The following GLS2 variants were observed in gnomAD, a reference collection of about 807,000 sequenced individuals.
GLS2 encodes the protein glutaminase 2, also known as glutaminase liver isoform, mitochondrial.
In GLS2, 52 loss-of-function variants were observed where a neutral mutation model predicts 79.0. The observed-to-expected ratio is 0.66, with a 90% CI of 0.53 to 0.83. GLS2 has a LOEUF of 0.83. Among genes scored for constraint, GLS2 ranks in the 40% least tolerant of loss-of-function variants. The probability of loss-of-function intolerance (pLI) is 0.00; values close to 1 mark genes in which losing one functional copy is unlikely to be tolerated. For synonymous variants in GLS2, 238 were observed against 280.8 expected (o/e 0.85, Z 1.52); for missense variants, 561 against 764.8 (o/e 0.73, Z 3.14).
chr12:56,474,371 G>A (rs1389772211), intron 12 of GLS2, 173 bp downstream of exon 12: 15 of 745,808 alleles, frequency 2.0e-5, no homozygotes, highest in Non-Finnish European at 3.0e-5. Flanking sequence ...TTATATATTC[G>A]AGGAACTTGG....
chr12:56,487,622 G>C, intron 1 of GLS2: 1 of 434,862 alleles, frequency 2.3e-6, no homozygotes. Flanking sequence ...GACTGGCGGC[G>C]TGAGCCCGGC....
chr12:56,485,230 T>C (rs1192595104), intron 1 of GLS2, among the ~76,000 whole-genome samples: 2 of 152,128 alleles, frequency 1.3e-5, no homozygotes, highest in African/African-American at 4.8e-5. Context: ...TACTGGGATA[T>C]TTCTTTTTAA....
Position 56,488,160 on chromosome 12 carries a change from C to G in GLS2, c.-42G>C, listed in dbSNP as rs762893035. On this transcript the variant is annotated 5_prime_UTR_variant, in exon 1 of 18. Coordinates refer to ENST00000311966, the MANE Select transcript of GLS2 (RefSeq NM_013267.4). ...GGCTCTGCAGGTGCGCCCGGGACCTCTAGCTGTGGCTGGGAAGGAGGGGCG... is the reference window on the plus strand; with the variant it reads ...GGCTCTGCAGGTGCGCCCGGGACCTGTAGCTGTGGCTGGGAAGGAGGGGCG... 705 of 1,497,952 alleles carry G rather than the reference C, an allele frequency of 4.7e-4. No individual in the cohort carries two copies. The highest frequency in any genetic ancestry group is 5.9e-4 in the Non-Finnish European group (666 of 1,134,102). 92.8% of individuals were successfully genotyped at this position (1,497,952 alleles called of 1,614,324 possible).
chr12:56,478,484 A>C, intron 4 of GLS2: 1 of 537,954 alleles, frequency 1.9e-6, no homozygotes, highest in Non-Finnish European at 3.3e-6. Flanking sequence ...AGTAAAGCCA[A>C]TGGAAGTTAA....
At position 56,474,667 on chromosome 12, in the gene GLS2, G is replaced by A. The variant is rs145926460; in HGVS notation, c.1101C>T (p.Leu367=). The change falls in exon 12 of 18, where the codon CTC becomes CTT. Residue 367 remains leucine, a synonymous_variant. Transcript: ENST00000311966. ...CESGSVMAAT[L]ANGGICPITG... ...TGATGGGGCAGATCCCACCGTTGGC[G>A]AGGGTGGCTGCCATGACACTGCCTG... is the stretch of plus-strand genomic sequence containing the variant. 1.3e-3 allele frequency: 2,095 copies of A among 1,613,506 alleles called. 4 individuals carry two copies. The highest frequency in any genetic ancestry group is 3.6e-3 in the Admixed American group (214 of 59,992).
At chr12:56,486,659 G>C (rs1870709650) in intron 1 of GLS2, among the ~76,000 whole-genome samples, 1 of 152,148 alleles carries the variant, frequency 6.6e-6, no homozygotes, top group Non-Finnish European at 1.5e-5. Flanking sequence ...GGGCCAACAC[G>C]GTGAAACCCT....
intron 15 of GLS2, 31 bp from the exon 16 acceptor site, chr12:56,472,226 C>T (rs926305118): frequency 6.3e-7 from 1 of 1,599,982 alleles, no homozygotes. Context: ...GCTAGAGTTG[C>T]CTAGATCAGA....
intron 2 of GLS2, 147 bp downstream of exon 2, chr12:56,480,141 A>T: frequency 1.2e-6 from 1 of 814,964 alleles, no homozygotes; most frequent in Non-Finnish European, 1.9e-6. Context: ...TTGTCTTGTC[A>T]GCCTAGACAT....
chr12:56,482,685 A>T (rs911850245), intron 1 of GLS2, among the ~76,000 whole-genome samples: 1 of 152,234 alleles, frequency 6.6e-6, no homozygotes, highest in Non-Finnish European at 1.5e-5. Context: ...TCTCTGGCTT[A>T]TAACACCTAA....
rs1869424259 is a variant in GLS2, at chr12:56,472,896, T to C, written c.1450-145A>G. 17 of 734,692 alleles carry C rather than the reference T, an allele frequency of 2.3e-5. No homozygotes were observed. In the South Asian group the frequency reaches 3.1e-4, roughly 13 times the overall value. 45.5% of individuals were successfully genotyped at this position (734,692 alleles called of 1,614,324 possible). A position where few individuals can be genotyped will look rare whatever the true frequency, so the allele number is the denominator to read the frequency against. On this transcript the variant is annotated intron_variant, in intron 14 of 17. Coordinates refer to ENST00000311966, the MANE Select transcript of GLS2 (RefSeq NM_013267.4). ...TACTCTGAAATATTCTTTTTTTTTT[T>C]TTTTTTTTTGAGACGGAGTCTCGCT...
Position 56,474,649 on chromosome 12 carries a change from G to C in GLS2, c.1119C>G (p.Cys373Trp). Reference protein sequence around the residue: ...MAATLANGGICPITGESVLSA... With the variant: ...MAATLANGGIWPITGESVLSA... ...TCAGCACACTCTCGCCTGTGATGGG[G>C]CAGATCCCACCGTTGGCGAGGGTGG... The change falls in exon 12 of 18, where the codon TGC (cysteine) becomes TGG (tryptophan). Residue 373 changes from cysteine (C) to tryptophan (W), a missense_variant. Transcript: ENST00000311966. 1 of 1,614,050 alleles carries C rather than the reference G, an allele frequency of 6.2e-7. No homozygotes were observed. Among genetic ancestry groups the C allele is most frequent in the Non-Finnish European group, 8.5e-7 (1 of 1,179,936 alleles).
intron 16 of GLS2, 135 bp downstream of exon 16, chr12:56,471,984 G>T: frequency 7.9e-7 from 1 of 1,265,594 alleles, no homozygotes; most frequent in Non-Finnish European, 1.1e-6. Context: ...TAGTCTAGCT[G>T]CAAACCGAAG....
intron 14 of GLS2, 131 bp from the exon 15 acceptor site, chr12:56,472,882 ATTCT>A: frequency 1.8e-6 from 1 of 544,650 alleles, no homozygotes; most frequent in South Asian, 2.4e-5. Flanking sequence ...ACTCTGAAAT[ATTCT>A]TTTTTTTTTT....
intron 7 of GLS2, 97 bp downstream of exon 7, chr12:56,477,563 C>A: frequency 7.9e-7 from 1 of 1,262,840 alleles, no homozygotes; most frequent in Non-Finnish European, 1.1e-6. Flanking sequence ...GAATCAGAGC[C>A]CCACCAGTCT....
chr12:56,477,161 G>A (rs1457829845), intron 7 of GLS2: 1 of 152,524 alleles, frequency 6.6e-6, no homozygotes, highest in Non-Finnish European at 1.5e-5. Flanking sequence ...GCTGCTCCCA[G>A]GTTCTTGCTC....
intron 2 of GLS2, 94 bp downstream of exon 2, chr12:56,480,194 C>G: frequency 9.3e-7 from 1 of 1,069,556 alleles, no homozygotes; most frequent in Non-Finnish European, 1.4e-6. Context: ...CATGTAGCAA[C>G]CCATTAGCTG....
intron 2 of GLS2, 71 bp downstream of exon 2, chr12:56,480,217 C>T: frequency 7.4e-7 from 1 of 1,356,240 alleles, no homozygotes; most frequent in Non-Finnish European, 1.0e-6. Flanking sequence ...CTGCACTTGT[C>T]ATACCCTCCT....
intron 1 of GLS2, among the ~76,000 whole-genome samples, chr12:56,481,803 A>T (rs1464165811): frequency 1.3e-5 from 2 of 151,596 alleles, no homozygotes; most frequent in Admixed American, 1.3e-4. Context: ...AGGCAAGAGA[A>T]TTGCTTGAAC....
chr12:56,472,137 G>A lies in GLS2; in HGVS notation c.1570C>T (p.His524Tyr). ...QKDYDSRTALHVAAAEGHIEV... is the reference protein window; with the variant it reads ...QKDYDSRTALYVAAAEGHIEV... ...TCAGTACCTTCAGCTGCAGCAACAT[G>A]CAGAGCTGTGCGCGAGTCATAGTCT... is the stretch of plus-strand genomic sequence containing the variant. Residue 524 changes from histidine (H) to tyrosine (Y), a missense_variant, in exon 16 of 18, where the codon CAT becomes TAT. Coordinates refer to ENST00000311966, the MANE Select transcript of GLS2 (RefSeq NM_013267.4). 6.2e-7 allele frequency: 1 copy of A among 1,614,184 alleles called. No individual in the cohort carries two copies. Among genetic ancestry groups the A allele is most frequent in the East Asian group, 2.2e-5 (1 of 44,890 alleles).
Sources: allele counts gnomAD v4.1 joint callset (sites outside exome capture counted in the v4.1 genomes callset), GRCh38; gene constraint gnomAD v4.1.1; transcripts MANE v1.5; gene names NCBI Gene and HGNC (gene_info 2026-07-23, HGNC 2026-07-21).